ANAPC7: variants seen among roughly 807,000 people sequenced by gnomAD.
The protein encoded by ANAPC7 is anaphase promoting complex subunit 7, also known as anaphase-promoting complex subunit 7.
In ANAPC7, 25 loss-of-function variants were observed where a neutral mutation model predicts 63.3. The ratio of observed to expected loss-of-function variants is 0.39; its 90% CI spans 0.29 to 0.55. The LOEUF is 0.55. ANAPC7 is among the 20% of genes least tolerant of loss of function. The pLI, the probability that ANAPC7 is intolerant of heterozygous loss-of-function variation, is 0.57. For missense variants in ANAPC7, 516 were observed against 691.7 expected, an observed-to-expected ratio of 0.75 and a Z score of 2.85; for synonymous variants, 241 against 251.7, an observed-to-expected ratio of 0.96 and a Z score of 0.40.
intron 1 of ANAPC7, among the ~76,000 whole-genome samples, chr12:110,401,363 C>A (rs1370159287): frequency 6.6e-6 from 1 of 152,150 alleles, no homozygotes; most frequent in Non-Finnish European, 1.5e-5. Context: ...TTCCTCAACA[C>A]ACTCAATAAG....
Position 110,386,382 on chromosome 12 carries a change from TTTA to T in ANAPC7, c.759_761del (p.Asn253del). The T allele has an allele frequency of 6.2e-7, 1 of 1,614,170 alleles. No homozygotes were observed. ...CCTGTTCAAACTTGAGGACAGAGTT[TTTA>T]TTGTCTCCAGCTCTGAAGTACAGAT... is the stretch of plus-strand genomic sequence containing the variant. On this transcript the variant is annotated inframe_deletion, in exon 6 of 11. Transcript: ENST00000455511.
chr12:110,382,916 C>T lies in ANAPC7; in HGVS notation c.862G>A (p.Glu288Lys). 1 of 1,614,070 alleles carries T rather than the reference C, an allele frequency of 6.2e-7. No homozygotes were observed. Among genetic ancestry groups the T allele is most frequent in the Admixed American group, 1.7e-5 (1 of 60,004 alleles). The change falls in exon 7 of 11, where the codon GAG (glutamate) becomes AAG (lysine). Residue 288 changes from glutamate (E) to lysine (K), a missense_variant. Glu to Lys is a moderately conservative substitution (Grantham distance 56, BLOSUM62 1). Around this residue, in one of 4 missense-constraint regions of ANAPC7, gnomAD observed 199 missense variants for 249.3 expected, o/e 0.80. Transcript: ENST00000455511. ...GYLLAREGRL[E>K]DVENLGCRLF... The stretch of plus-strand genomic sequence containing the variant: ...CGGCATCCAAGGTTCTCAACATCCT[C>T]TAGCCGCCCTTCTCGTGCCAGTAGG...
At chr12:110,392,697 A>T (rs1230172970) in intron 3 of ANAPC7, among the ~76,000 whole-genome samples, 1 of 152,246 alleles carries the variant, frequency 6.6e-6, no homozygotes, top group Non-Finnish European at 1.5e-5. Flanking sequence ...ATAAATAAAA[A>T]AGTAGTAAAG....
rs539498817 is a variant in ANAPC7, at chr12:110,395,594, C to G, written c.289-374G>C. On this transcript the variant is annotated intron_variant, in intron 2 of 10. Transcript: ENST00000455511. Reference sequence around the variant, plus strand: ...TGTGAGCCACTGTGCCTGGCCTCATCTTCTTTTTTTTTTTTTGAGACAGAG... The same window carrying G: ...TGTGAGCCACTGTGCCTGGCCTCATGTTCTTTTTTTTTTTTTGAGACAGAG... Among the ~76,000 whole-genome samples, 5 of 150,980 alleles carry G rather than the reference C, an allele frequency of 3.3e-5. No individual in the cohort carries two copies. The East Asian group carries it at 9.7e-4, about 29-fold the overall frequency.
rs2137909996 is a variant in ANAPC7, at chr12:110,374,099, G to A, written c.*45C>T. The A allele has an allele frequency of 6.4e-7, 1 of 1,556,888 alleles. No homozygotes were observed. The highest frequency in any genetic ancestry group is 2.3e-5 in the East Asian group (1 of 44,236). On this transcript the variant is annotated 3_prime_UTR_variant, in exon 11 of 11. Coordinates refer to ENST00000455511, the MANE Select transcript of ANAPC7 (RefSeq NM_016238.3). Reference sequence around the variant, plus strand: ...TACGGTTCCTTCAGTCCACGGAAGTGCTCAGAGCAGGGCAGGCCACTGCGG... The same window carrying A: ...TACGGTTCCTTCAGTCCACGGAAGTACTCAGAGCAGGGCAGGCCACTGCGG...
At chr12:110,384,948 T>G (rs1882322466) in intron 6 of ANAPC7, among the ~76,000 whole-genome samples, 1 of 152,200 alleles carries the variant, frequency 6.6e-6, no homozygotes, top group Non-Finnish European at 1.5e-5. Flanking sequence ...TGTAGTTCTA[T>G]CCAGAATGCA....
At chr12:110,391,805 G>A (rs1467722438) in intron 3 of ANAPC7, among the ~76,000 whole-genome samples, 1 of 152,120 alleles carries the variant, frequency 6.6e-6, no homozygotes, top group Non-Finnish European at 1.5e-5. Flanking sequence ...TAATTAAAAT[G>A]GCTTCTTGGC....
intron 2 of ANAPC7, among the ~76,000 whole-genome samples, chr12:110,395,543 G>A (rs781723057): frequency 3.3e-5 from 5 of 151,444 alleles, no homozygotes; most frequent in Admixed American, 6.6e-5. Flanking sequence ...TCCTACCTCC[G>A]CCTCTGGAAG....
At chr12:110,400,780 T>C (rs750906887) in intron 1 of ANAPC7, among the ~76,000 whole-genome samples, 4 of 151,372 alleles carry the variant, frequency 2.6e-5, no homozygotes, top group Non-Finnish European at 5.9e-5. Context: ...GCTCGGTGGC[T>C]CACGCCTGCA....
chr12:110,391,890 G>A (rs1027111911), intron 3 of ANAPC7, among the ~76,000 whole-genome samples: 3 of 152,024 alleles, frequency 2.0e-5, no homozygotes, highest in South Asian at 2.1e-4. Context: ...AGGTCAGATC[G>A]AGACCATCCT....
Position 110,388,752 on chromosome 12 carries a change from G to A in ANAPC7, c.409-129C>T. The A allele has an allele frequency of 7.5e-6, 5 of 670,890 alleles. No individual in the cohort carries two copies. The South Asian group carries it at 9.6e-5, about 13-fold the overall frequency. 41.6% of individuals were successfully genotyped at this position (670,890 alleles called of 1,614,324 possible). On this transcript the variant is annotated intron_variant, in intron 3 of 10. Transcript: ENST00000455511. Reference sequence around the variant, plus strand: ...CTGGAAAATCTACCCACAACCCTGTGCAAATAAAGGCAGACTGACCCCATT... The same window carrying A: ...CTGGAAAATCTACCCACAACCCTGTACAAATAAAGGCAGACTGACCCCATT...
At chr12:110,382,713 G>A (rs1253956300) in intron 7 of ANAPC7, 130 bp downstream of exon 7, 2 of 716,474 alleles carry the variant, frequency 2.8e-6, no homozygotes, top group Non-Finnish European at 4.5e-6. Context: ...GAGATTACAG[G>A]CATGAGCCAC....
At position 110,394,026 on chromosome 12, in the gene ANAPC7, A is replaced by G. The variant is rs1039826368; in HGVS notation, c.408+1075T>C. ...TCTCTACTAAAAATACAAAAAAAAA[A>G]TTAGCTGGGCGTGGTGGCGGGTGCC... On this transcript the variant is annotated intron_variant, in intron 3 of 10. Coordinates refer to ENST00000455511, the MANE Select transcript of ANAPC7 (RefSeq NM_016238.3). 7.3e-5 allele frequency among the ~76,000 whole-genome samples: 11 copies of G among 150,208 alleles called. 1 individual carries two copies. The highest frequency in any genetic ancestry group is 6.0e-4 in the Admixed American group (9 of 14,954).
intron 1 of ANAPC7, among the ~76,000 whole-genome samples, chr12:110,397,852 G>A (rs1475095917): frequency 1.3e-5 from 2 of 151,964 alleles, no homozygotes; most frequent in East Asian, 1.9e-4. Context: ...CCGAGATTGC[G>A]CCACTACACT....
rs117945406 is a variant in ANAPC7, at chr12:110,392,601, A to T, written c.408+2500T>A. ...GCAGGAGACATGACAGTATTATTAG[A>T]ATATTAAATACTGATATATTCTCAC... On this transcript the variant is annotated intron_variant, in intron 3 of 10. Transcript: ENST00000455511. 2.0e-4 allele frequency among the ~76,000 whole-genome samples: 31 copies of T among 152,342 alleles called. No homozygotes were observed. The East Asian group carries it at 5.6e-3, about 27-fold the overall frequency.
intron 3 of ANAPC7, among the ~76,000 whole-genome samples, chr12:110,393,197 A>T (rs1883252231): frequency 6.6e-6 from 1 of 152,242 alleles, no homozygotes; most frequent in South Asian, 2.1e-4. Context: ...GGATAAAAGA[A>T]TCTTACAGTA....
At chr12:110,376,374 C>G (rs2137915082) in intron 9 of ANAPC7, among the ~76,000 whole-genome samples, 158 bp from the exon 10 acceptor site, 1 of 152,000 alleles carries the variant, frequency 6.6e-6, no homozygotes, top group Non-Finnish European at 1.5e-5. Flanking sequence ...AATTTTCCAT[C>G]CTGGCTAACA....
At chr12:110,382,456 AAAAAAATATAT>A (rs1389245629) in intron 7 of ANAPC7, among the ~76,000 whole-genome samples, 205 of 86,138 alleles carry the variant, frequency 2.4e-3, no homozygotes, top group Middle Eastern at 0.013. Context: ...AAAAAAAAAA[AAAAAAATATAT>A]ATATATATAT....
chr12:110,375,518 C>T, intron 10 of ANAPC7: 1 of 934,470 alleles, frequency 1.1e-6, no homozygotes, highest in Non-Finnish European at 1.3e-6. Context: ...TTACTATGTA[C>T]CAGGCACAGG....
Sources: allele counts gnomAD v4.1 joint callset (sites outside exome capture counted in the v4.1 genomes callset), GRCh38; gene constraint gnomAD v4.1.1; regional missense constraint gnomAD v4.1.1; transcripts MANE v1.5; gene names NCBI Gene and HGNC (gene_info 2026-07-23, HGNC 2026-07-21).